Variants in DIPK1A observed in about 807,000 individuals in gnomAD.
The protein encoded by DIPK1A is divergent protein kinase domain 1A.
DIPK1A carries 27 observed loss-of-function variants against 40.8 expected under a neutral mutation model. That is an observed-to-expected ratio of 0.66 (90% CI 0.49 to 0.91). DIPK1A has a LOEUF of 0.91. Ranked by LOEUF, DIPK1A falls within the 40% of genes least tolerant of loss-of-function variation. The pLI, the probability that DIPK1A is intolerant of heterozygous loss-of-function variation, is 0.00. For missense variants in DIPK1A, 412 were observed against 505.7 expected, an observed-to-expected ratio of 0.81 and a Z score of 1.78; for synonymous variants, 166 against 171.3, an observed-to-expected ratio of 0.97 and a Z score of 0.24.
At chr1:92,850,143 T>A (rs1020411233) in intron 3 of DIPK1A, among the ~76,000 whole-genome samples, 17 of 151,764 alleles carry the variant, frequency 1.1e-4, no homozygotes, top group Admixed American at 3.3e-4. Context: ...GCATTTTTTT[T>A]AAATTTTGGA....
At chr1:92,868,452 T>A (rs983555328) in intron 2 of DIPK1A, among the ~76,000 whole-genome samples, 2 of 152,252 alleles carry the variant, frequency 1.3e-5, no homozygotes, top group African/African-American at 2.4e-5. Flanking sequence ...TCTCTTTAAA[T>A]GCTTTTTGCC....
At chr1:92,859,671 C>A (rs548316205) in intron 2 of DIPK1A, among the ~76,000 whole-genome samples, 1 of 152,272 alleles carries the variant, frequency 6.6e-6, no homozygotes, top group East Asian at 1.9e-4. Context: ...ATTTCTGAGA[C>A]TTGTTAATTA....
intron 2 of DIPK1A, among the ~76,000 whole-genome samples, chr1:92,863,905 A>T (rs1159102430): frequency 2.6e-5 from 4 of 151,996 alleles, no homozygotes; most frequent in Non-Finnish European, 4.4e-5. Context: ...AAATACAAAA[A>T]AATTAGCCGG....
intron 1 of DIPK1A, among the ~76,000 whole-genome samples, chr1:92,936,430 C>A (rs1398107386): frequency 6.6e-6 from 1 of 151,996 alleles, no homozygotes; most frequent in African/African-American, 2.4e-5. Context: ...GAGTTTGAGA[C>A]CAGCCTGACC....
chr1:92,839,249 C>T (rs1161165090), downstream of DIPK1A, among the ~76,000 whole-genome samples: 2 of 152,114 alleles, frequency 1.3e-5, no homozygotes, highest in African/African-American at 4.8e-5. Context: ...ATCCCAGCGA[C>T]TCGGGAGGCT....
In DIPK1A at chr1:92,927,364, G is replaced by GTTT. The variant is rs61508867; in HGVS notation, c.54+34009_54+34011dup. 2.1e-3 allele frequency among the ~76,000 whole-genome samples: 224 copies of GTTT among 104,632 alleles called. 3 individuals carry two copies. The highest frequency in any genetic ancestry group is 6.8e-3 in the African/African-American group (187 of 27,454). The allele number at this position is 104,632 out of a possible 152,430, so 68.6% of individuals were successfully genotyped here. ...TGCATGCCACCATGCCAATTTTGTT[G>GTTT]TTTTTTTTTTTTTTTTTTTTTTTGC... On this transcript the variant is annotated intron_variant, in intron 1 of 4. Transcript: ENST00000370310.
chr1:92,956,955 A>G (rs1482129700), intron 1 of DIPK1A, among the ~76,000 whole-genome samples: 2 of 152,236 alleles, frequency 1.3e-5, no homozygotes, highest in Non-Finnish European at 2.9e-5. Flanking sequence ...TTCAAATTCC[A>G]TTAGAACTGC....
At chr1:92,887,932 G>T (rs1378901834) in intron 1 of DIPK1A, among the ~76,000 whole-genome samples, 1 of 151,650 alleles carries the variant, frequency 6.6e-6, no homozygotes, top group Non-Finnish European at 1.5e-5. Flanking sequence ...ATAGTTACCT[G>T]AGTTTTTTTT....
intron 2 of DIPK1A, among the ~76,000 whole-genome samples, chr1:92,861,847 T>A (rs949481708): frequency 6.6e-6 from 1 of 151,978 alleles, no homozygotes; most frequent in Non-Finnish European, 1.5e-5. Context: ...AGTGGCGTTA[T>A]GCCTCACTGT....
chr1:92,941,783 T>A (rs934951046), intron 1 of DIPK1A, among the ~76,000 whole-genome samples: 3 of 152,142 alleles, frequency 2.0e-5, no homozygotes, highest in Non-Finnish European at 4.4e-5. Flanking sequence ...AATCTAGAAA[T>A]TGATTCCCTT....
chr1:92,853,365 C>T (rs1200716129), intron 2 of DIPK1A, among the ~76,000 whole-genome samples: 1 of 152,186 alleles, frequency 6.6e-6, no homozygotes, highest in African/African-American at 2.4e-5. Flanking sequence ...ACATATCCCA[C>T]TGAGGTTCAC....
In DIPK1A at chr1:92,842,366, G is replaced by A. The variant is rs1687401552; in HGVS notation, c.*1017C>T. The A allele has an allele frequency of 1.0e-6, 1 of 985,020 alleles. No homozygotes were observed. Among genetic ancestry groups the A allele is most frequent in the Non-Finnish European group, 1.2e-6 (1 of 829,568 alleles). 61.0% of individuals were successfully genotyped at this position (985,020 alleles called of 1,614,324 possible). A position where few individuals can be genotyped will look rare whatever the true frequency, so the allele number is the denominator to read the frequency against. ...AAAATAGTGGTTCTTTTCTCCAAAA[G>A]GTGTTTAATTTTATGGAGATGTTGA... On this transcript the variant is annotated 3_prime_UTR_variant, in exon 5 of 5. Coordinates refer to ENST00000370310, the MANE Select transcript of DIPK1A (RefSeq NM_001006605.5).
intron 1 of DIPK1A, among the ~76,000 whole-genome samples, chr1:92,887,125 G>T (rs1022875147): frequency 6.6e-6 from 1 of 151,594 alleles, no homozygotes; most frequent in African/African-American, 2.4e-5. Context: ...GCAAATAAAA[G>T]TATGCAATTG....
chr1:92,912,609 T>C (rs1649875091), intron 1 of DIPK1A, among the ~76,000 whole-genome samples: 1 of 152,160 alleles, frequency 6.6e-6, no homozygotes. Flanking sequence ...TACCCTCTTA[T>C]CCAAGGCTTG....
At chr1:92,909,055 T>C (rs376793008) in intron 1 of DIPK1A, among the ~76,000 whole-genome samples, 2 of 152,156 alleles carry the variant, frequency 1.3e-5, no homozygotes, top group African/African-American at 2.4e-5. Flanking sequence ...AATATCCATA[T>C]AGAAAATTAG....
intron 4 of DIPK1A, chr1:92,836,405 T>C: frequency 6.2e-7 from 1 of 1,611,972 alleles, no homozygotes; most frequent in Non-Finnish European, 8.5e-7. Flanking sequence ...AAGAATACTA[T>C]TTAAGACCTT....
At chr1:92,937,320 G>A (rs930780407) in intron 1 of DIPK1A, among the ~76,000 whole-genome samples, 1 of 151,900 alleles carries the variant, frequency 6.6e-6, no homozygotes, top group African/African-American at 2.4e-5. Context: ...AAAAATAGCC[G>A]GGCATGGTGA....
chr1:92,939,094 G>A (rs959897450), intron 1 of DIPK1A, among the ~76,000 whole-genome samples: 1 of 151,892 alleles, frequency 6.6e-6, no homozygotes, highest in Non-Finnish European at 1.5e-5. Flanking sequence ...CAGAGACGGG[G>A]CTTCACCATG....
intron 1 of DIPK1A, among the ~76,000 whole-genome samples, chr1:92,935,400 A>T (rs1182518100): frequency 1.3e-5 from 2 of 152,222 alleles, no homozygotes; most frequent in African/African-American, 2.4e-5. Context: ...AGAGTCACCA[A>T]AATAAAATGA....
Sources: gnomAD v4.1 joint callset for allele counts (sites outside exome capture counted in the v4.1 genomes callset) on GRCh38, gnomAD v4.1.1 for gene constraint, MANE v1.5 for transcripts, NCBI Gene and HGNC (gene_info 2026-07-23, HGNC 2026-07-21) for gene names.